The following DLGAP1 variants were observed in gnomAD, a reference collection of about 807,000 sequenced individuals.
The protein encoded by DLGAP1 is DLG associated protein 1, also known as disks large-associated protein 1.
DLGAP1 carries 11 observed loss-of-function variants against 90.8 expected under a neutral mutation model. The observed-to-expected ratio is 0.12, with a 90% confidence interval of 0.08 to 0.20. The LOEUF is 0.20. DLGAP1 is among the 10% of genes least tolerant of loss of function. The pLI is 1.00. For synonymous variants in DLGAP1, 558 were observed against 540.7 expected, an observed-to-expected ratio of 1.03 and a Z score of -0.44; for missense variants, 1,050 against 1,333.8, an observed-to-expected ratio of 0.79 and a Z score of 3.31.
chr18:4,242,581 A>C (rs1374448574), intron 1 of DLGAP1, among the ~76,000 whole-genome samples: 2 of 152,194 alleles, frequency 1.3e-5, no homozygotes, highest in Non-Finnish European at 2.9e-5. Flanking sequence ...CTCATTCAAA[A>C]ATTCTTTTCA....
chr18:4,317,145 T>C (rs2080551212), intron 1 of DLGAP1, among the ~76,000 whole-genome samples: 2 of 152,248 alleles, frequency 1.3e-5, no homozygotes, highest in African/African-American at 4.8e-5. Flanking sequence ...AGGAGAGCGC[T>C]GGATGCCTTC....
At chr18:4,273,559 C>T (rs1166306681) in intron 1 of DLGAP1, among the ~76,000 whole-genome samples, 1 of 152,206 alleles carries the variant, frequency 6.6e-6, no homozygotes, top group Non-Finnish European at 1.5e-5. Context: ...CCTCTCACCT[C>T]AGCCTCCTGA....
rs1568278887 is a variant in DLGAP1, at chr18:3,600,875, T to TAG, written c.1592-18628_1592-18627insCT. Among the ~76,000 whole-genome samples, 312 of 32,686 alleles carry TAG rather than the reference T, an allele frequency of 9.5e-3. 27 individuals are homozygous for TAG. Among genetic ancestry groups the TAG allele is most frequent in the African/African-American group, 0.016 (109 of 6,786 alleles). 21.4% of individuals were successfully genotyped at this position (32,686 alleles called of 152,430 possible). A position where few individuals can be genotyped will look rare whatever the true frequency, so the allele number is the denominator to read the frequency against. On this transcript the variant is annotated intron_variant, in intron 7 of 12. Coordinates refer to ENST00000315677, the MANE Select transcript of DLGAP1 (RefSeq NM_004746.4). Reference sequence around the variant, plus strand: ...ATATAGATATATATAGATATATAGATATATAGATAGATATATAGATATATA... The same window carrying TAG: ...ATATAGATATATATAGATATATAGATAGATATAGATAGATATATAGATATATA...
intron 2 of DLGAP1, among the ~76,000 whole-genome samples, chr18:4,071,028 T>A (rs768658748): frequency 1.3e-5 from 2 of 152,174 alleles, no homozygotes; most frequent in Non-Finnish European, 2.9e-5. Flanking sequence ...TAGTAACTTA[T>A]GAGAAATGTG....
chr18:4,050,441 T>G (rs2143060733), intron 2 of DLGAP1, among the ~76,000 whole-genome samples: 1 of 152,352 alleles, frequency 6.6e-6, no homozygotes. Flanking sequence ...AGGTATTATT[T>G]TCATCCTCAC....
At chr18:4,309,936 C>T (rs561452955) in intron 1 of DLGAP1, among the ~76,000 whole-genome samples, 12 of 152,268 alleles carry the variant, frequency 7.9e-5, no homozygotes, top group East Asian at 3.9e-4. Flanking sequence ...CCTGAGTATC[C>T]GCTCTGCTTC....
chr18:3,893,206 T>C (rs1328409443), intron 3 of DLGAP1, among the ~76,000 whole-genome samples: 2 of 152,152 alleles, frequency 1.3e-5, no homozygotes, highest in South Asian at 2.1e-4. Flanking sequence ...GATCCATCTA[T>C]GTTGCTGCAA....
In DLGAP1 at chr18:3,722,216, C is replaced by CCCTCAAGGTTATGCCAA. The variant is rs574231215; in HGVS notation, c.1591+6918_1591+6919insTTGGCATAACCTTGAGG. ...TTGTTGGCTGTCTGTGAGGCATAGCCCCTCAAGGTTGGCACTCCGTTCCCA... is the reference window on the plus strand; with the variant it reads ...TTGTTGGCTGTCTGTGAGGCATAGCCCCTCAAGGTTATGCCAACCTCAAGGTTGGCACTCCGTTCCCA... On this transcript the variant is annotated intron_variant, in intron 7 of 12. Transcript: ENST00000315677. The CCCTCAAGGTTATGCCAA allele has an allele frequency of 2.0e-4, 30 of 152,248 alleles. No individual in the cohort carries two copies. The East Asian group carries it at 5.4e-3, about 27-fold the overall frequency. 9.4% of individuals were successfully genotyped at this position (152,248 alleles called of 1,614,324 possible). A position where few individuals can be genotyped will look rare whatever the true frequency, so the allele number is the denominator to read the frequency against.
In DLGAP1 at chr18:4,265,638, C is replaced by CCT. The variant is rs1555774490; in HGVS notation, c.-266-114352_-266-114351insAG. Among the ~76,000 whole-genome samples the CCT allele has an allele frequency of 9.5e-5, 4 of 41,912 alleles. No homozygotes were observed. In the African/African-American group the frequency reaches 1.0e-3, roughly 11 times the overall value. 27.5% of individuals were successfully genotyped at this position (41,912 alleles called of 152,430 possible). ...TTCCCTCCCTCCCCTTCCCTCCCTC[C>CCT]CCTTCCCTCCCTCCCTCCCTCCCTC... is the stretch of plus-strand genomic sequence containing the variant. On this transcript the variant is annotated intron_variant, in intron 1 of 12. Transcript: ENST00000315677.
chr18:4,242,259 C>T (rs932750193), intron 1 of DLGAP1, among the ~76,000 whole-genome samples: 6 of 152,074 alleles, frequency 3.9e-5, no homozygotes, highest in African/African-American at 7.2e-5. Context: ...CTCCATATGA[C>T]GAACCTATCA....
chr18:3,955,438 G>A (rs1288556818), intron 3 of DLGAP1, among the ~76,000 whole-genome samples: 4 of 152,132 alleles, frequency 2.6e-5, no homozygotes, highest in Admixed American at 6.5e-5. Flanking sequence ...CAGGCCGGGC[G>A]CCGTGGCTCA....
At position 3,502,766 on chromosome 18, in the gene DLGAP1, G is replaced by A. The variant is rs191989383; in HGVS notation, c.2572-121C>T. The A allele has an allele frequency of 3.0e-5, 33 of 1,101,888 alleles. No homozygotes were observed. The Middle Eastern group carries it at 8.0e-4, about 27-fold the overall frequency. 68.3% of individuals were successfully genotyped at this position (1,101,888 alleles called of 1,614,324 possible). On this transcript the variant is annotated intron_variant, in intron 11 of 12. Transcript: ENST00000315677. Reference sequence around the variant, plus strand: ...GAGGACTAGTTCCTTTTGGTTTTCCGACACGAGGTAAAAGTGAGGTTACAA... The same window carrying A: ...GAGGACTAGTTCCTTTTGGTTTTCCAACACGAGGTAAAAGTGAGGTTACAA...
chr18:4,347,268 AT>A (rs2143929782), intron 1 of DLGAP1, among the ~76,000 whole-genome samples: 1 of 152,224 alleles, frequency 6.6e-6, no homozygotes, highest in African/African-American at 2.4e-5. Context: ...TCTACAAAAC[AT>A]TTGAAGATCA....
chr18:4,333,241 C>T (rs1321805223), intron 1 of DLGAP1, among the ~76,000 whole-genome samples: 1 of 151,598 alleles, frequency 6.6e-6, no homozygotes, highest in African/African-American at 2.4e-5. Flanking sequence ...AGGGGCTGCT[C>T]ATCCCAGATG....
chr18:4,345,430 G>A (rs2081285785), intron 1 of DLGAP1, among the ~76,000 whole-genome samples: 2 of 152,160 alleles, frequency 1.3e-5, no homozygotes, highest in African/African-American at 2.4e-5. Context: ...TACATGTAAG[G>A]GAACCCCACA....
chr18:4,264,212 A>G (rs1425516766), intron 1 of DLGAP1, among the ~76,000 whole-genome samples: 2 of 152,206 alleles, frequency 1.3e-5, no homozygotes, highest in Non-Finnish European at 2.9e-5. Context: ...ATAGAGAGGG[A>G]AAGAGAAGAT....
At chr18:3,770,324 T>C (rs2148001105) in intron 5 of DLGAP1, among the ~76,000 whole-genome samples, 1 of 152,250 alleles carries the variant, frequency 6.6e-6, no homozygotes. Flanking sequence ...CCTCTTATTC[T>C]TCTCTGAGTC....
intron 2 of DLGAP1, among the ~76,000 whole-genome samples, chr18:4,013,051 G>C (rs892132980): frequency 2.0e-5 from 3 of 152,070 alleles, no homozygotes; most frequent in African/African-American, 7.2e-5. Flanking sequence ...TCAATGTTCT[G>C]TGAAAACTAA....
chr18:4,329,837 T>C (rs1413021632), intron 1 of DLGAP1, among the ~76,000 whole-genome samples: 1 of 152,048 alleles, frequency 6.6e-6, no homozygotes, highest in Non-Finnish European at 1.5e-5. Context: ...GTCTTCAGTT[T>C]TCTTTTGTTA....
Sources: allele counts gnomAD v4.1 joint callset (sites outside exome capture counted in the v4.1 genomes callset), GRCh38; gene constraint gnomAD v4.1.1; transcripts MANE v1.5; gene names NCBI Gene and HGNC (gene_info 2026-07-23, HGNC 2026-07-21).